Variants in INPP5B observed in about 807,000 individuals in gnomAD.
INPP5B encodes type II inositol 1,4,5-trisphosphate 5-phosphatase.
INPP5B carries 90 observed loss-of-function variants against 118.5 expected under a neutral mutation model. The ratio of observed to expected loss-of-function variants is 0.76; its 90% confidence interval spans 0.64 to 0.90. The LOEUF is 0.90. INPP5B is among the 40% of genes least tolerant of loss of function. The pLI is 0.00. For missense variants in INPP5B, 984 were observed against 1,125.6 expected (o/e 0.87, Z 1.80); for synonymous variants, 385 against 418.9 (o/e 0.92, Z 0.99).
At chr1:37,909,901 G>T (rs1245914004) in intron 7 of INPP5B, among the ~76,000 whole-genome samples, 1 of 152,078 alleles carries the variant, frequency 6.6e-6, no homozygotes, top group Non-Finnish European at 1.5e-5. Flanking sequence ...ATTCCTCCAG[G>T]ACCGCCTCCC....
At chr1:37,916,337 G>C (rs1644860102) in intron 7 of INPP5B, among the ~76,000 whole-genome samples, 1 of 151,454 alleles carries the variant, frequency 6.6e-6, no homozygotes, top group Admixed American at 6.6e-5. Context: ...CAAGTGATCC[G>C]CCCACCTCGA....
rs367764426 is a variant in INPP5B at position 37,886,686 on chromosome 1, G to A, written c.1131+202C>T. Among the ~76,000 whole-genome samples the A allele has an allele frequency of 2.6e-5, 4 of 152,324 alleles. No homozygotes were observed. In the East Asian group the frequency reaches 5.8e-4, roughly 22 times the overall value. On this transcript the variant is annotated intron_variant, in intron 12 of 23. Coordinates refer to ENST00000373024, the MANE Select transcript of INPP5B (RefSeq NM_005540.3). ...AGTGTTGGGGAATATGAGGACAGGCGCTAATTGGTTAAATCAGCAGGTAGT... is the reference window on the plus strand; with the variant it reads ...AGTGTTGGGGAATATGAGGACAGGCACTAATTGGTTAAATCAGCAGGTAGT...
chr1:37,923,304 A>G (rs541485320), intron 7 of INPP5B, among the ~76,000 whole-genome samples: 3 of 152,352 alleles, frequency 2.0e-5, no homozygotes, highest in Admixed American at 2.0e-4. Context: ...ACAGGGCTTT[A>G]TCCAGAAATA....
intron 7 of INPP5B, among the ~76,000 whole-genome samples, chr1:37,894,458 C>T (rs1186810302): frequency 6.6e-6 from 1 of 152,086 alleles, no homozygotes; most frequent in Non-Finnish European, 1.5e-5. Context: ...GTATCCCCAT[C>T]ATTCAGCATA....
At chr1:37,895,829 G>C (rs1252583042) in intron 7 of INPP5B, among the ~76,000 whole-genome samples, 1 of 152,120 alleles carries the variant, frequency 6.6e-6, no homozygotes, top group Non-Finnish European at 1.5e-5. Flanking sequence ...ATGGTGCCCA[G>C]GCTGGAGTGC....
intron 2 of INPP5B, 41 bp downstream of exon 2, chr1:37,946,211 C>A: frequency 2.5e-6 from 4 of 1,583,718 alleles, no homozygotes; most frequent in Non-Finnish European, 3.4e-6. Flanking sequence ...CTTCCCAAGG[C>A]CAGGGCAGGC....
At chr1:37,932,151 GC>G (rs541595693) in intron 6 of INPP5B, 98 bp from the exon 7 acceptor site, 179,996 of 1,304,036 alleles carry the variant, frequency 0.14, 12,931 homozygotes, top group East Asian at 0.17. Context: ...TGTTTCTCCC[GC>G]GCACAGAAGG....
chr1:37,897,017 T>A (rs1451564531), intron 7 of INPP5B, among the ~76,000 whole-genome samples: 19 of 125,606 alleles, frequency 1.5e-4, no homozygotes, highest in Middle Eastern at 6.0e-3. Context: ...AGCCGCCCCG[T>A]CCGGGAGGTG....
chr1:37,866,648 G>A (rs1052967549), intron 20 of INPP5B, 105 bp from the exon 21 acceptor site: 24 of 716,798 alleles, frequency 3.3e-5, no homozygotes, highest in Non-Finnish European at 5.7e-5. Flanking sequence ...GAGCAGTGTG[G>A]TGAGGCCTCT....
chr1:37,920,074 G>A (rs6604852), intron 7 of INPP5B, among the ~76,000 whole-genome samples: 13,994 of 152,182 alleles, frequency 0.092, 808 homozygotes, highest in Middle Eastern at 0.23. Context: ...TTATGTCCAC[G>A]TTACAGACCA....
chr1:37,918,599 G>A (rs568954447), intron 7 of INPP5B, among the ~76,000 whole-genome samples: 129 of 152,264 alleles, frequency 8.5e-4, no homozygotes, highest in African/African-American at 3.0e-3. Context: ...AGAAACATTA[G>A]ACTGTTTTGG....
rs953564237 is a variant in INPP5B, at chr1:37,864,339, T to G, written c.2599A>C (p.Lys867Gln). The change falls in exon 23 of 24, where the codon AAA (lysine) becomes CAA (glutamine). Residue 867 changes from lysine (K) to glutamine (Q), a missense_variant. By Grantham distance (53) the Lys-to-Gln change is moderately conservative. This residue lies in a region of INPP5B where 634 missense variants were observed against 791.0 expected (regional missense o/e 0.80). Transcript: ENST00000373024. ...FLRELLKNSA[K>Q]NHLDENILAS... ...AGAATATTCTCATCCAAATGATTTTTTGCTGAATTTTTCAGCAGTTCTCGC... is the reference window on the plus strand; with the variant it reads ...AGAATATTCTCATCCAAATGATTTTGTGCTGAATTTTTCAGCAGTTCTCGC... 1.4e-5 allele frequency: 23 copies of G among 1,609,156 alleles called. No homozygotes were observed. The highest frequency in any genetic ancestry group is 1.8e-5 in the Non-Finnish European group (21 of 1,175,646).
At chr1:37,877,428 T>C (rs1288636589) in intron 16 of INPP5B, among the ~76,000 whole-genome samples, 2 of 152,080 alleles carry the variant, frequency 1.3e-5, no homozygotes, top group African/African-American at 2.4e-5. Context: ...ATAAAATATC[T>C]GCTTATTGGG....
At position 37,912,639 on chromosome 1, in the gene INPP5B, T is replaced by C. The variant is rs145025909; in HGVS notation, c.532+19274A>G. Among the ~76,000 whole-genome samples the C allele has an allele frequency of 9.8e-5, 15 of 152,328 alleles. 1 individual carries two copies. The East Asian group carries it at 2.3e-3, about 24-fold the overall frequency. ...TTTACGCTTTTCCTCCAAACCATTG[T>C]AGCGGATATCTCCTGGTACTATCCC... On this transcript the variant is annotated intron_variant, in intron 7 of 23. Transcript: ENST00000373024.
At chr1:37,945,937 C>T (rs1010464973) in intron 2 of INPP5B, 87 bp from the exon 3 acceptor site, 9 of 1,245,628 alleles carry the variant, frequency 7.2e-6, no homozygotes, top group South Asian at 1.3e-5. Context: ...TCCCCTGCCC[C>T]CCCAGATTCA....
At chr1:37,923,575 G>A (rs1001756961) in intron 7 of INPP5B, among the ~76,000 whole-genome samples, 3 of 151,978 alleles carry the variant, frequency 2.0e-5, no homozygotes, top group Non-Finnish European at 2.9e-5. Context: ...GAAGACTACT[G>A]CAACAGTTCA....
chr1:37,881,664 C>T (rs1643205945), intron 14 of INPP5B, among the ~76,000 whole-genome samples: 1 of 152,018 alleles, frequency 6.6e-6, no homozygotes, highest in South Asian at 2.1e-4. Flanking sequence ...TCAGGAAAGA[C>T]CAGAAAAGAA....
chr1:37,909,692 C>G (rs548937459), intron 7 of INPP5B, among the ~76,000 whole-genome samples: 2 of 152,126 alleles, frequency 1.3e-5, no homozygotes, highest in Admixed American at 6.5e-5. Flanking sequence ...TTTTATTACC[C>G]AACCCACTCC....
intron 11 of INPP5B, 129 bp downstream of exon 11, chr1:37,887,222 A>G: frequency 1.3e-6 from 1 of 758,754 alleles, no homozygotes. Context: ...CTTCTGGAAG[A>G]TCTGGAAATG....
Sources: gnomAD v4.1 joint callset for allele counts (sites outside exome capture counted in the v4.1 genomes callset) on GRCh38, gnomAD v4.1.1 for gene constraint, gnomAD v4.1.1 regional missense constraint, MANE v1.5 for transcripts, NCBI Gene and HGNC (gene_info 2026-07-23, HGNC 2026-07-21) for gene names.